The following UGT2B10 variants were observed in gnomAD, a reference collection of about 807,000 sequenced individuals.
The protein encoded by UGT2B10 is UDP glucuronosyltransferase family 2 member B10.
Under a neutral mutation model 43.7 loss-of-function variants are expected in UGT2B10, and 51 were observed. That is an observed-to-expected ratio of 1.17 (90% CI 0.93 to 1.47). The LOEUF is 1.47. Among genes scored for constraint, UGT2B10 ranks in the 40% most tolerant of loss-of-function variants. UGT2B10 has a pLI of 0.00. For missense variants in UGT2B10, 696 were observed against 617.7 expected (o/e 1.13, Z -1.34); for synonymous variants, 225 against 209.0 (o/e 1.08, Z -0.66).
In UGT2B10 at chr4:68,822,328, G is replaced by C. The variant is rs587724173; in HGVS notation, c.925G>C (p.Gly309Arg). 3.7e-5 allele frequency: 59 copies of C among 1,613,494 alleles called. 1 individual carries two copies. The South Asian group carries it at 5.7e-4, about 16-fold the overall frequency. The change falls in exon 3 of 6, where the codon GGG (glycine) becomes CGG (arginine). Residue 309 changes from glycine to arginine, a missense_variant. Physicochemically the swap from Gly to Arg is moderately radical, Grantham distance 125. Coordinates refer to ENST00000265403, the MANE Select transcript of UGT2B10 (RefSeq NM_001075.6). The stretch of plus-strand genomic sequence containing the variant: ...AAATGGTGTTGTGGTGTTTTCTCTG[G>C]GGTCAATGGTCAGTAACATGACAGA... ...GENGVVVFSLGSMVSNMTEER... is the reference protein window; with the variant it reads ...GENGVVVFSLRSMVSNMTEER...
intron 5 of UGT2B10, among the ~76,000 whole-genome samples, chr4:68,828,427 TA>T (rs897078446): frequency 6.6e-6 from 1 of 151,822 alleles, no homozygotes; most frequent in Non-Finnish European, 1.5e-5. Flanking sequence ...AGAAATACTC[TA>T]AAAATACTTT....
At chr4:68,819,489 C>T (rs1310016231) in intron 2 of UGT2B10, among the ~76,000 whole-genome samples, 8 of 151,586 alleles carry the variant, frequency 5.3e-5, no homozygotes, top group Non-Finnish European at 1.0e-4. Context: ...AAATGTGTGC[C>T]TCAAATATGT....
Position 68,816,532 on chromosome 4 carries a change from C to T in UGT2B10, c.513C>T (p.His171=), listed in dbSNP as rs1365158862. Residue 171 remains histidine (H), a synonymous_variant, in exon 1 of 6, where the codon CAC becomes CAT. Transcript: ENST00000265403. ...TTAACATACCCTTTGTGTACAGTCA[C>T]AGCTTCAGTCCTGGCTACTCATTTG... The part of the protein sequence containing the change: ...ELFNIPFVYS[H]SFSPGYSFER... 6.2e-6 allele frequency: 10 copies of T among 1,613,192 alleles called. No individual in the cohort carries two copies. The Middle Eastern group carries it at 5.0e-4, about 80-fold the overall frequency.
At chr4:68,828,133 C>T (rs1737895016) in intron 5 of UGT2B10, among the ~76,000 whole-genome samples, 1 of 151,994 alleles carries the variant, frequency 6.6e-6, no homozygotes, top group African/African-American at 2.4e-5. Context: ...AATCACCTCC[C>T]ATGACTGCTT....
chr4:68,822,667 C>T (rs1250135506), intron 3 of UGT2B10, among the ~76,000 whole-genome samples: 1 of 151,964 alleles, frequency 6.6e-6, no homozygotes, highest in African/African-American at 2.4e-5. Flanking sequence ...CCATATGTAT[C>T]CACAAAAGGG....
intron 1 of UGT2B10, 105 bp downstream of exon 1, chr4:68,816,842 T>C: frequency 1.1e-6 from 1 of 932,600 alleles, no homozygotes; most frequent in Non-Finnish European, 1.6e-6. Flanking sequence ...TTTTGGTAAA[T>C]GAATTTATGA....
intron 5 of UGT2B10, among the ~76,000 whole-genome samples, chr4:68,829,421 A>T (rs535435381): frequency 9.6e-4 from 146 of 152,172 alleles, no homozygotes; most frequent in African/African-American, 3.4e-3. Context: ...TTGCCTCAAG[A>T]TAATGTTCAA....
At chr4:68,828,702 C>A (rs1301806711) in intron 5 of UGT2B10, among the ~76,000 whole-genome samples, 1 of 151,940 alleles carries the variant, frequency 6.6e-6, no homozygotes, top group Non-Finnish European at 1.5e-5. Context: ...GATATACACA[C>A]ATGTACATAT....
rs1373368982 is a variant in UGT2B10, at chr4:68,831,937, A to G, written c.*1058A>G. On this transcript the variant is annotated 3_prime_UTR_variant, in exon 6 of 6. Coordinates refer to ENST00000265403, the MANE Select transcript of UGT2B10 (RefSeq NM_001075.6). ...TTATTATTTTGTCTCTTTGCTAGTC[A>G]CTCTGAGCCATGGTCATGATGACTT... Among the ~76,000 whole-genome samples the G allele has an allele frequency of 6.6e-6, 1 of 152,004 alleles. No homozygotes were observed. Among genetic ancestry groups the G allele is most frequent in the African/African-American group, 2.4e-5 (1 of 41,396 alleles).
In UGT2B10 at chr4:68,830,878, A is replaced by C. The variant is rs138970162; in HGVS notation, c.1586A>C (p.Ter529SerextTer13). ...AAAGGAAAGAAGGGAAAAAGGGATT[A>C]GTTATATCTGAGATTTGAAGCTGGA... Reference protein sequence around the residue: ...ARKGKKGKRD* With the variant: ...ARKGKKGKRDS The change falls in exon 6 of 6, where the codon TAG (stop) becomes TCG (serine). Residue 529 changes from the stop codon to serine (S), a stop_lost. Transcript: ENST00000265403. 1 of 1,611,914 alleles carries C rather than the reference A, an allele frequency of 6.2e-7. No individual in the cohort carries two copies.
chr4:68,816,656 A>G lies in UGT2B10; in HGVS notation c.637A>G (p.Met213Val), dbSNP rs770449046. 19 of 1,612,584 alleles carry G rather than the reference A, an allele frequency of 1.2e-5. No homozygotes were observed. The highest frequency in any genetic ancestry group is 6.7e-5 in the East Asian group (3 of 44,774). Residue 213 changes from methionine (M) to valine (V), a missense_variant, in exon 1 of 6, where the codon ATG (methionine) becomes GTG (valine). By Grantham distance (21) the Met-to-Val change is conservative. Transcript: ENST00000265403. ...QMTFMERVKN[M>V]LYVLYFDFWF... ...GACTTTCATGGAGAGGGTAAAAAAT[A>G]TGCTCTATGTGCTTTATTTTGACTT... is the stretch of plus-strand genomic sequence containing the variant.
rs183781855 is a variant in UGT2B10, at chr4:68,818,192, G to A, written c.867+15G>A. Reference sequence around the variant, plus strand: ...CCCTACCTAAGGTAAACATACTTTCGTTGGTTTTATTTTGTTGGCTTCAAA... The same window carrying A: ...CCCTACCTAAGGTAAACATACTTTCATTGGTTTTATTTTGTTGGCTTCAAA... On this transcript the variant is annotated intron_variant, in intron 2 of 5. Coordinates refer to ENST00000265403, the MANE Select transcript of UGT2B10 (RefSeq NM_001075.6). 1.0e-3 allele frequency: 1,615 copies of A among 1,605,986 alleles called. 1 individual carries two copies. The highest frequency in any genetic ancestry group is 2.0e-3 in the Admixed American group (114 of 58,356).
Position 68,831,183 on chromosome 4 carries a change from T to C in UGT2B10, c.*304T>C. The C allele has an allele frequency of 3.4e-6, 1 of 295,240 alleles. No individual in the cohort carries two copies. The allele number at this position is 295,240 out of a possible 1,614,324, so 18.3% of individuals were successfully genotyped here. A position where few individuals can be genotyped will look rare whatever the true frequency, so the allele number is the denominator to read the frequency against. On this transcript the variant is annotated 3_prime_UTR_variant, in exon 6 of 6. Coordinates refer to ENST00000265403, the MANE Select transcript of UGT2B10 (RefSeq NM_001075.6). ...ATCATGGCTCACTTCAGCCTCAACT[T>C]ACTAAGCTCAAGAGGTTCTCTCACC...
rs766511970 is a variant in UGT2B10 at position 68,818,150 on chromosome 4, C to T, written c.840C>T (p.His280=). Residue 280 remains histidine, a synonymous_variant, in exon 2 of 6, where the codon CAC becomes CAT. Coordinates refer to ENST00000265403, the MANE Select transcript of UGT2B10 (RefSeq NM_001075.6). ...LPNVDFVGGL[H]CKPAKPLPKE... The stretch of plus-strand genomic sequence containing the variant: ...ATGTTGATTTTGTTGGAGGACTCCA[C>T]TGCAAACCTGCCAAACCCCTACCTA... 6.2e-7 allele frequency: 1 copy of T among 1,610,640 alleles called. No homozygotes were observed. The highest frequency in any genetic ancestry group is 1.7e-5 in the Admixed American group (1 of 59,600).
chr4:68,827,623 T>A, intron 5 of UGT2B10, 75 bp downstream of exon 5: 1 of 1,580,044 alleles, frequency 6.3e-7, no homozygotes, highest in South Asian at 1.2e-5. Flanking sequence ...ATGAGTTTCA[T>A]CCTTTTTATA....
chr4:68,817,977 A>C (rs1737296915), intron 1 of UGT2B10, 52 bp from the exon 2 acceptor site: 2 of 1,565,258 alleles, frequency 1.3e-6, no homozygotes, highest in Admixed American at 4.3e-5. Context: ...AGAAAATTAC[A>C]TAAAGTAATT....
chr4:68,818,202 T>C, intron 2 of UGT2B10, 25 bp downstream of exon 2: 1 of 1,604,094 alleles, frequency 6.2e-7, no homozygotes, highest in South Asian at 1.1e-5. Flanking sequence ...GTTGGTTTTA[T>C]TTTGTTGGCT....
chr4:68,830,405 A>G (rs556168209), intron 5 of UGT2B10, among the ~76,000 whole-genome samples, 195 bp from the exon 6 acceptor site: 1 of 152,198 alleles, frequency 6.6e-6, no homozygotes, highest in South Asian at 2.1e-4. Context: ...TACTTTAAAA[A>G]TATTTGTCAA....
chr4:68,829,697 G>A (rs1055285568), intron 5 of UGT2B10, among the ~76,000 whole-genome samples: 1 of 151,992 alleles, frequency 6.6e-6, no homozygotes, highest in African/African-American at 2.4e-5. Context: ...AATACTCCAA[G>A]AGCGGGAGAG....
Sources: gnomAD v4.1 joint callset for allele counts (sites outside exome capture counted in the v4.1 genomes callset) on GRCh38, gnomAD v4.1.1 for gene constraint, MANE v1.5 for transcripts, NCBI Gene and HGNC (gene_info 2026-07-23, HGNC 2026-07-21) for gene names.